RAB38: variants seen among roughly 807,000 people sequenced by gnomAD.
RAB38 encodes ras-related protein Rab-38.
Under a neutral mutation model 18.4 loss-of-function variants are expected in RAB38, and 15 were observed. That is an observed-to-expected ratio of 0.82 (90% CI 0.55 to 1.26). The LOEUF is 1.26. Ranked by LOEUF, RAB38 falls within the 50% of genes most tolerant of loss-of-function variation. RAB38 has a pLI of 0.00. For missense variants in RAB38, 294 were observed against 267.4 expected, an observed-to-expected ratio of 1.10 and a Z score of -0.69; for synonymous variants, 101 against 104.4, an observed-to-expected ratio of 0.97 and a Z score of 0.20.
the RAB38 span, among the ~76,000 whole-genome samples, chr11:87,937,348 A>T: frequency 8.4e-6 from 1 of 119,362 alleles, no homozygotes; most frequent in Non-Finnish European, 1.8e-5. Context: ...ATATATATAT[A>T]TATCATAATT....
the RAB38 span, among the ~76,000 whole-genome samples, chr11:87,822,740 G>A: frequency 6.6e-6 from 1 of 152,160 alleles, no homozygotes; most frequent in East Asian, 1.9e-4. Context: ...TTTAAGTCCA[G>A]TCTATATACA....
the RAB38 span, among the ~76,000 whole-genome samples, chr11:88,042,193 A>G: frequency 6.6e-6 from 1 of 152,130 alleles, no homozygotes; most frequent in Non-Finnish European, 1.5e-5. Context: ...TCCTAGGAAA[A>G]GGTAGAAGTC....
At chr11:88,135,712 GA>G (rs1209583447) in intron 2 of RAB38, among the ~76,000 whole-genome samples, 1 of 152,144 alleles carries the variant, frequency 6.6e-6, no homozygotes, top group Non-Finnish European at 1.5e-5. Flanking sequence ...GTCTTCCAAA[GA>G]AACTCTTCCT....
the RAB38 span, among the ~76,000 whole-genome samples, chr11:87,809,132 A>G: frequency 6.6e-6 from 1 of 152,210 alleles, no homozygotes; most frequent in Non-Finnish European, 1.5e-5. Context: ...AATTTCATTT[A>G]ACGTAAATGA....
chr11:87,897,642 T>TA, the RAB38 span, among the ~76,000 whole-genome samples: 1 of 151,574 alleles, frequency 6.6e-6, no homozygotes, highest in Non-Finnish European at 1.5e-5. Context: ...TGCTTGGATT[T>TA]AAAAAACACC....
chr11:88,029,518 T>A, the RAB38 span, among the ~76,000 whole-genome samples: 7 of 151,852 alleles, frequency 4.6e-5, no homozygotes, highest in African/African-American at 1.7e-4. Context: ...AGGCTTAAAA[T>A]AAAAGGATGG....
At chr11:87,900,865 GA>G in the RAB38 span, among the ~76,000 whole-genome samples, 1 of 151,216 alleles carries the variant, frequency 6.6e-6, no homozygotes, top group Non-Finnish European at 1.5e-5. Context: ...AGAAAGGGTG[GA>G]AAAAAAGGCA....
the RAB38 span, among the ~76,000 whole-genome samples, chr11:87,974,499 A>G: frequency 1.3e-5 from 2 of 151,884 alleles, no homozygotes; most frequent in African/African-American, 4.8e-5. Context: ...AGGTGTTAAA[A>G]TAGTGTAATA....
chr11:88,069,539 A>G, the RAB38 span, among the ~76,000 whole-genome samples: 1 of 152,128 alleles, frequency 6.6e-6, no homozygotes, highest in Non-Finnish European at 1.5e-5. Context: ...GAGAACTTTT[A>G]TGTCTAGCCG....
chr11:87,951,701 G>T, the RAB38 span, among the ~76,000 whole-genome samples: 1 of 152,182 alleles, frequency 6.6e-6, no homozygotes, highest in African/African-American at 2.4e-5. Flanking sequence ...AGCGGAGGCT[G>T]CAGAACAGCG....
At chr11:87,874,041 G>C in the RAB38 span, among the ~76,000 whole-genome samples, 1 of 149,478 alleles carries the variant, frequency 6.7e-6, no homozygotes, top group African/African-American at 2.4e-5. Context: ...ACTTTTTGAT[G>C]AACAGAAGTT....
At chr11:88,174,123 G>T in intron 1 of RAB38, 2 of 976,992 alleles carry the variant, frequency 2.0e-6, no homozygotes, top group Non-Finnish European at 2.4e-6. Flanking sequence ...TTCTGAGCAG[G>T]AAGATCCTTG....
At chr11:88,009,651 A>G in the RAB38 span, among the ~76,000 whole-genome samples, 1 of 152,198 alleles carries the variant, frequency 6.6e-6, no homozygotes, top group Non-Finnish European at 1.5e-5. Context: ...AAAATTAATA[A>G]AGGAGATCAA....
chr11:87,819,846 GAAAAAC>G, the RAB38 span, among the ~76,000 whole-genome samples: 3 of 150,916 alleles, frequency 2.0e-5, no homozygotes, highest in Non-Finnish European at 2.9e-5. Flanking sequence ...GCACTGAAAT[GAAAAAC>G]AGTCTCTATC....
the RAB38 span, among the ~76,000 whole-genome samples, chr11:87,916,695 C>G: frequency 2.6e-5 from 4 of 152,138 alleles, no homozygotes; most frequent in Non-Finnish European, 5.9e-5. Flanking sequence ...ATGTCTTTCT[C>G]TCCTTCTTAC....
the RAB38 span, among the ~76,000 whole-genome samples, chr11:87,954,960 A>G: frequency 6.6e-6 from 1 of 152,238 alleles, no homozygotes; most frequent in South Asian, 2.1e-4. Flanking sequence ...ATAATTAGTA[A>G]TATTGCATCA....
At chr11:87,805,660 T>C in the RAB38 span, among the ~76,000 whole-genome samples, 2 of 151,922 alleles carry the variant, frequency 1.3e-5, no homozygotes, top group Non-Finnish European at 2.9e-5. Context: ...CATTTATGTA[T>C]GTGTATATAT....
At chr11:87,832,528 G>A in the RAB38 span, among the ~76,000 whole-genome samples, 1 of 152,046 alleles carries the variant, frequency 6.6e-6, no homozygotes, top group African/African-American at 2.4e-5. Context: ...TGTAGTTGTG[G>A]GACTGAAGCC....
the RAB38 span, among the ~76,000 whole-genome samples, chr11:87,848,643 C>T: frequency 6.6e-6 from 1 of 152,100 alleles, no homozygotes. Context: ...CTTCTGTATT[C>T]TAGTAATGCC....
Sources: gnomAD v4.1 joint callset for allele counts (sites outside exome capture counted in the v4.1 genomes callset) on GRCh38, gnomAD v4.1.1 for gene constraint, MANE v1.5 for transcripts, NCBI Gene and HGNC (gene_info 2026-07-23, HGNC 2026-07-21) for gene names.